Variants in MEIS1 observed in about 807,000 individuals in gnomAD.
MEIS1 encodes the protein Meis homeobox 1.
A neutral mutation model predicts 50.8 loss-of-function variants in MEIS1; 5 were observed. The observed-to-expected ratio is 0.10, with a 90% CI of 0.05 to 0.21. MEIS1 has a LOEUF of 0.21. Ranked by LOEUF, MEIS1 falls within the 10% of genes least tolerant of loss-of-function variation. The pLI is 1.00. For missense variants in MEIS1, 318 were observed against 517.3 expected (o/e 0.61, Z 3.74); for synonymous variants, 176 against 179.3 (o/e 0.98, Z 0.15).
chr2:66,538,490 T>G (rs751907718), intron 8 of MEIS1, among the ~76,000 whole-genome samples: 5 of 152,212 alleles, frequency 3.3e-5, no homozygotes, highest in African/African-American at 4.8e-5. Context: ...GTGAGAAGGA[T>G]GAATAATTGT....
Position 66,453,605 on chromosome 2 carries a change from A to G in MEIS1, c.631-10504A>G, listed in dbSNP as rs543038142. On this transcript the variant is annotated intron_variant, in intron 6 of 12. Coordinates refer to ENST00000272369, the MANE Select transcript of MEIS1 (RefSeq NM_002398.3). ...AATTTAACGTTGTCAGTGGGCTTAA[A>G]GATGCAGACATTCTTGAGGAATGAG... 2.6e-5 allele frequency among the ~76,000 whole-genome samples: 4 copies of G among 152,158 alleles called. No individual in the cohort carries two copies. The South Asian group carries it at 8.3e-4, about 32-fold the overall frequency.
intron 6 of MEIS1, among the ~76,000 whole-genome samples, chr2:66,458,108 T>C (rs1672436618): frequency 6.6e-6 from 1 of 152,118 alleles, no homozygotes; most frequent in South Asian, 2.1e-4. Context: ...GACTCTCAAT[T>C]ATCCACCTTT....
In MEIS1 at chr2:66,445,871, T is replaced by C. The variant is rs1204520842; in HGVS notation, c.630+2823T>C. On this transcript the variant is annotated intron_variant, in intron 6 of 12. Transcript: ENST00000272369. ...TATTTATTTATTTTAAAAATAGGAT[T>C]AAGACACCAGTAGAAGCTGTAATCC... Among the ~76,000 whole-genome samples the C allele has an allele frequency of 5.9e-5, 9 of 152,298 alleles. No homozygotes were observed. The East Asian group carries it at 1.7e-3, about 29-fold the overall frequency.
At chr2:66,473,196 T>C (rs904383669) in intron 7 of MEIS1, among the ~76,000 whole-genome samples, 5 of 151,422 alleles carry the variant, frequency 3.3e-5, no homozygotes, top group Admixed American at 2.0e-4. Context: ...CTGACCAACA[T>C]TGAGAAACCC....
At chr2:66,458,663 A>G (rs373202162) in intron 6 of MEIS1, among the ~76,000 whole-genome samples, 1 of 152,220 alleles carries the variant, frequency 6.6e-6, no homozygotes, top group Non-Finnish European at 1.5e-5. Context: ...ACTTAAGACC[A>G]TGTAAGTGGC....
chr2:66,504,282 A>T (rs1248002621), intron 7 of MEIS1, among the ~76,000 whole-genome samples: 2 of 151,534 alleles, frequency 1.3e-5, no homozygotes, highest in Non-Finnish European at 2.9e-5. Context: ...CACCCAGGCT[A>T]GAGTGCAGTG....
intron 7 of MEIS1, chr2:66,496,128 A>G (rs1013048992): frequency 1.9e-4 from 29 of 152,432 alleles, no homozygotes; most frequent in Admixed American, 1.7e-3. Context: ...TAGATCCAGA[A>G]GAGGACCAAG....
At chr2:66,466,373 G>T (rs980740586) in intron 7 of MEIS1, among the ~76,000 whole-genome samples, 2 of 152,232 alleles carry the variant, frequency 1.3e-5, no homozygotes, top group Non-Finnish European at 2.9e-5. Context: ...AGAAGCTGTT[G>T]GGAGCCCCAC....
intron 8 of MEIS1, among the ~76,000 whole-genome samples, chr2:66,530,577 G>A (rs182588061): frequency 2.0e-5 from 3 of 152,130 alleles, no homozygotes; most frequent in Non-Finnish European, 2.9e-5. Context: ...TTAGCCGGGC[G>A]TGGTGGCAGG....
At chr2:66,492,069 T>G (rs1164763381) in intron 7 of MEIS1, among the ~76,000 whole-genome samples, 1 of 144,572 alleles carries the variant, frequency 6.9e-6, no homozygotes, top group Non-Finnish European at 1.5e-5. Flanking sequence ...GAGCGTTCAC[T>G]TGTGTGTGTG....
chr2:66,460,979 C>T (rs536306671), intron 6 of MEIS1, among the ~76,000 whole-genome samples: 4 of 152,302 alleles, frequency 2.6e-5, no homozygotes, highest in African/African-American at 9.6e-5. Context: ...GTTAAGACCT[C>T]TTGTCTTACT....
intron 7 of MEIS1, among the ~76,000 whole-genome samples, chr2:66,473,495 G>A (rs934497423): frequency 2.0e-5 from 3 of 149,294 alleles, no homozygotes; most frequent in Non-Finnish European, 4.4e-5. Flanking sequence ...AATTTTTGAA[G>A]TAGTGATAAA....
At chr2:66,562,562 G>T (rs1572906868) in intron 9 of MEIS1, among the ~76,000 whole-genome samples, 1 of 151,938 alleles carries the variant, frequency 6.6e-6, no homozygotes, top group Non-Finnish European at 1.5e-5. Context: ...GATGATCCAG[G>T]TCTCAGATTT....
chr2:66,547,363 A>G (rs1674816222), intron 8 of MEIS1, among the ~76,000 whole-genome samples: 1 of 152,264 alleles, frequency 6.6e-6, no homozygotes, highest in Middle Eastern at 3.4e-3. Context: ...ATGTGTTGAC[A>G]TTCAGATTTG....
chr2:66,486,528 G>C (rs1181327279), intron 7 of MEIS1, among the ~76,000 whole-genome samples: 3 of 152,160 alleles, frequency 2.0e-5, no homozygotes, highest in African/African-American at 7.2e-5. Context: ...AAGTCAGGTA[G>C]TGTGATGCCT....
intron 8 of MEIS1, among the ~76,000 whole-genome samples, chr2:66,546,858 A>G (rs1166490968): frequency 6.6e-6 from 1 of 152,184 alleles, no homozygotes. Flanking sequence ...GGTCATTAAC[A>G]AGCCTTTTTA....
intron 8 of MEIS1, among the ~76,000 whole-genome samples, chr2:66,537,476 G>A (rs891348438): frequency 7.2e-5 from 11 of 152,168 alleles, no homozygotes; most frequent in African/African-American, 2.7e-4. Context: ...TAGCACTAGA[G>A]AATGGGTACC....
At chr2:66,479,273 C>G (rs546252081) in intron 7 of MEIS1, among the ~76,000 whole-genome samples, 41 of 152,274 alleles carry the variant, frequency 2.7e-4, no homozygotes, top group African/African-American at 9.9e-4. Flanking sequence ...GGGCTATAAA[C>G]AGTAGTTTAA....
chr2:66,436,872 G>GTTT (rs5831809), intron 1 of MEIS1: 10,816 of 880,034 alleles, frequency 0.012, 12 homozygotes, highest in African/African-American at 0.026. Flanking sequence ...TATGAAAGTA[G>GTTT]TTTTTTTTTT....
Sources: allele counts gnomAD v4.1 joint callset (sites outside exome capture counted in the v4.1 genomes callset), GRCh38; gene constraint gnomAD v4.1.1; transcripts MANE v1.5; gene names NCBI Gene and HGNC (gene_info 2026-07-23, HGNC 2026-07-21).